TTC28: variants seen among roughly 807,000 people sequenced by gnomAD.
The protein encoded by TTC28 is tetratricopeptide repeat protein 28.
A neutral mutation model predicts 198.0 loss-of-function variants in TTC28; 61 were observed. The ratio of observed to expected loss-of-function variants is 0.31; its 90% confidence interval spans 0.25 to 0.38. TTC28 has a LOEUF of 0.38. Ranked by LOEUF, TTC28 falls within the 10% of genes least tolerant of loss-of-function variation. TTC28 has a pLI of 1.00. For synonymous variants in TTC28, 1,171 were observed against 1,297.8 expected (o/e 0.90, Z 2.10); for missense variants, 2,678 against 3,164.0 (o/e 0.85, Z 3.69).
chr22:28,364,158 G>A (rs1377586789), intron 2 of TTC28, among the ~76,000 whole-genome samples: 4 of 152,130 alleles, frequency 2.6e-5, no homozygotes, highest in African/African-American at 9.7e-5. Flanking sequence ...CGACCCAGTG[G>A]GAGGTAACTG....
At chr22:28,057,536 A>C (rs952899364) in intron 12 of TTC28, among the ~76,000 whole-genome samples, 2 of 152,170 alleles carry the variant, frequency 1.3e-5, no homozygotes, top group African/African-American at 4.8e-5. Context: ...CCAGTCTTTT[A>C]TCAGATATAT....
intron 12 of TTC28, among the ~76,000 whole-genome samples, chr22:28,059,289 G>A (rs911438460): frequency 8.6e-5 from 13 of 151,732 alleles, no homozygotes; most frequent in African/African-American, 2.4e-4. Context: ...TGATATGTCA[G>A]TTTTCTTTAT....
chr22:28,245,214 G>A (rs934446764), intron 5 of TTC28, among the ~76,000 whole-genome samples: 3 of 152,090 alleles, frequency 2.0e-5, no homozygotes, highest in Non-Finnish European at 2.9e-5. Context: ...TTTATTTAAC[G>A]GATGCATGAA....
chr22:28,629,913 C>T (rs2051145405), intron 1 of TTC28, 83 bp from the exon 2 acceptor site: 3 of 1,238,974 alleles, frequency 2.4e-6, no homozygotes, highest in Non-Finnish European at 3.3e-6. Flanking sequence ...TGTCTGTCCC[C>T]TCCAGTTGCA....
chr22:28,620,020 C>T (rs537052189), intron 2 of TTC28, among the ~76,000 whole-genome samples: 16 of 152,174 alleles, frequency 1.1e-4, no homozygotes, highest in Non-Finnish European at 2.4e-4. Context: ...CTTATTCCTG[C>T]TCTAATTGAA....
chr22:28,392,407 A>T (rs2046742560), intron 2 of TTC28, among the ~76,000 whole-genome samples: 1 of 152,214 alleles, frequency 6.6e-6, no homozygotes, highest in Non-Finnish European at 1.5e-5. Context: ...TTACCTAAGC[A>T]AGCCTGGGCA....
chr22:28,271,873 G>A (rs1932101197), intron 5 of TTC28, among the ~76,000 whole-genome samples: 2 of 152,138 alleles, frequency 1.3e-5, no homozygotes, highest in South Asian at 2.1e-4. Flanking sequence ...AAAGTGCTGG[G>A]ATTACAGGCG....
intron 2 of TTC28, among the ~76,000 whole-genome samples, chr22:28,521,413 T>TA (rs1250132673): frequency 4.0e-5 from 6 of 149,898 alleles, no homozygotes; most frequent in Admixed American, 2.0e-4. Context: ...TCTCTTACAT[T>TA]AAAAAAAAAG....
At chr22:28,358,807 G>A (rs1172155213) in intron 2 of TTC28, among the ~76,000 whole-genome samples, 1 of 152,180 alleles carries the variant, frequency 6.6e-6, no homozygotes, top group Non-Finnish European at 1.5e-5. Flanking sequence ...GTGGGTGAAT[G>A]AGGACCACTA....
In TTC28 at chr22:28,112,759, G is replaced by A. The variant is rs144078294; in HGVS notation, c.1442-4356C>T. ...GACCACAGCTTGATTTTCCAGGGCCGTCAGTCAGATGAAGACTTACAGAGG... is the reference window on the plus strand; with the variant it reads ...GACCACAGCTTGATTTTCCAGGGCCATCAGTCAGATGAAGACTTACAGAGG... On this transcript the variant is annotated intron_variant, in intron 6 of 22. Transcript: ENST00000397906. Among the ~76,000 whole-genome samples the A allele has an allele frequency of 4.5e-3, 685 of 152,298 alleles. 4 individuals carry two copies. Among genetic ancestry groups the A allele is most frequent in the Non-Finnish European group, 6.2e-3 (425 of 68,032 alleles).
At chr22:28,118,877 T>C (rs1479590549) in intron 6 of TTC28, among the ~76,000 whole-genome samples, 1 of 152,208 alleles carries the variant, frequency 6.6e-6, no homozygotes, top group Non-Finnish European at 1.5e-5. Context: ...TATTATATCA[T>C]CATTTGATAT....
intron 5 of TTC28, among the ~76,000 whole-genome samples, chr22:28,247,835 G>A (rs1200724945): frequency 6.6e-6 from 1 of 152,116 alleles, no homozygotes; most frequent in Non-Finnish European, 1.5e-5. Flanking sequence ...AGGGGATGAG[G>A]CTGCAGAGAA....
intron 2 of TTC28, among the ~76,000 whole-genome samples, chr22:28,310,135 A>ACACAC (rs1569252488): frequency 1.4e-5 from 1 of 73,334 alleles, no homozygotes; most frequent in South Asian, 4.1e-4. Context: ...TGTGACACAT[A>ACACAC]ACACACACAC....
intron 1 of TTC28, among the ~76,000 whole-genome samples, chr22:28,649,821 A>G (rs1339642625): frequency 2.0e-5 from 3 of 152,264 alleles, no homozygotes; most frequent in Admixed American, 2.0e-4. Flanking sequence ...TGCAATTTGA[A>G]TGCTTAACAC....
chr22:28,539,937 CTTT>C (rs34198666), intron 2 of TTC28, among the ~76,000 whole-genome samples: 4 of 84,586 alleles, frequency 4.7e-5, no homozygotes, highest in Admixed American at 1.3e-4. Flanking sequence ...CCTCAGGAAG[CTTT>C]TTTTTTTTTT....
chr22:28,407,054 T>G (rs2070808255), intron 2 of TTC28, among the ~76,000 whole-genome samples: 1 of 152,082 alleles, frequency 6.6e-6, no homozygotes, highest in African/African-American at 2.4e-5. Context: ...AGGAATAAAT[T>G]TTATGTTTTG....
At chr22:28,475,149 C>CAAAAAA (rs386395148) in intron 2 of TTC28, among the ~76,000 whole-genome samples, 86 of 64,878 alleles carry the variant, frequency 1.3e-3, no homozygotes, top group Admixed American at 2.2e-3. Context: ...GACTCCATCT[C>CAAAAAA]AAAAAAAAAA....
At chr22:28,115,197 G>A (rs568624335) in intron 6 of TTC28, among the ~76,000 whole-genome samples, 1 of 152,196 alleles carries the variant, frequency 6.6e-6, no homozygotes, top group South Asian at 2.1e-4. Flanking sequence ...ACTCCAGCCT[G>A]TGACCCGGGC....
At chr22:28,119,938 C>T (rs975933928) in intron 6 of TTC28, among the ~76,000 whole-genome samples, 6 of 152,150 alleles carry the variant, frequency 3.9e-5, no homozygotes, top group African/African-American at 7.2e-5. Flanking sequence ...TTAAAAATCT[C>T]GTTTACTGAC....
Sources: gnomAD v4.1 joint callset for allele counts (sites outside exome capture counted in the v4.1 genomes callset) on GRCh38, gnomAD v4.1.1 for gene constraint, MANE v1.5 for transcripts, NCBI Gene and HGNC (gene_info 2026-07-23, HGNC 2026-07-21) for gene names.